Variants in WASF1 observed in about 807,000 individuals in gnomAD.
WASF1 encodes the protein WASP family member 1.
In WASF1, 7 loss-of-function variants were observed where a neutral mutation model predicts 50.5. The ratio of observed to expected loss-of-function variants is 0.14; its 90% CI spans 0.08 to 0.26. The LOEUF is 0.26. Ranked by LOEUF, WASF1 falls within the 10% of genes least tolerant of loss-of-function variation. WASF1 has a pLI of 1.00. For synonymous variants in WASF1, 205 were observed against 244.0 expected (o/e 0.84, Z 1.49); for missense variants, 470 against 694.7 (o/e 0.68, Z 3.64).
Position 110,107,278 on chromosome 6 carries a change from C to T in WASF1, c.423-84G>A, listed in dbSNP as rs893405298. On this transcript the variant is annotated intron_variant, in intron 6 of 10. Transcript: ENST00000392589. ...AAATAATTTCACTAAAATGTTTATC[C>T]TCTTACATTAATAAAATACAGCATG... The T allele has an allele frequency of 6.7e-5, 58 of 866,452 alleles. No homozygotes were observed. The East Asian group carries it at 1.5e-3, about 23-fold the overall frequency. The allele number at this position is 866,452 out of a possible 1,614,324, so 53.7% of individuals were successfully genotyped here.
intron 2 of WASF1, among the ~76,000 whole-genome samples, chr6:110,170,282 G>T (rs536793614): frequency 6.6e-6 from 1 of 152,072 alleles, no homozygotes; most frequent in African/African-American, 2.4e-5. Context: ...GAGTATAGTG[G>T]TGCAATCTTG....
chr6:110,178,892 G>A, intron 1 of WASF1, 150 bp from the exon 2 acceptor site: 1 of 152,562 alleles, frequency 6.6e-6, no homozygotes, highest in Non-Finnish European at 1.5e-5. Flanking sequence ...CCATGAACAG[G>A]CACCAGAAGC....
At chr6:110,131,932 T>C (rs1049151662) in intron 3 of WASF1, among the ~76,000 whole-genome samples, 2 of 152,166 alleles carry the variant, frequency 1.3e-5, no homozygotes, top group African/African-American at 2.4e-5. Context: ...ACATAACACA[T>C]ACACCCACCT....
chr6:110,105,445 A>C lies in WASF1; in HGVS notation c.675T>G (p.Ile225Met). 2.5e-6 allele frequency: 4 copies of C among 1,612,668 alleles called. No individual in the cohort carries two copies. The highest frequency in any genetic ancestry group is 3.4e-6 in the Non-Finnish European group (4 of 1,179,522). Residue 225 changes from isoleucine to methionine, a missense_variant, in exon 8 of 11, where the codon ATT becomes ATG. Transcript: ENST00000392589. ...EDDANLLHKH[I>M]EVANGPASHF... ...GAGAGGCTGGGCCATTAGCAACTTC[A>C]ATATGCTTATGTAAGAGATTAGCAT...
At chr6:110,114,196 T>C (rs551939655) in intron 4 of WASF1, among the ~76,000 whole-genome samples, 1 of 152,338 alleles carries the variant, frequency 6.6e-6, no homozygotes, top group African/African-American at 2.4e-5. Flanking sequence ...TCATGGTTCT[T>C]GTGTATTTTC....
intron 5 of WASF1, among the ~76,000 whole-genome samples, chr6:110,110,819 TG>T (rs756058660): frequency 1.3e-4 from 19 of 151,296 alleles, no homozygotes; most frequent in African/African-American, 3.2e-4. Context: ...GTACACATGA[TG>T]TTTTTTTTTT....
In WASF1 at chr6:110,125,440, CT is replaced by C. The variant is rs549460554; in HGVS notation, c.133+2028del. 1.7e-3 allele frequency among the ~76,000 whole-genome samples: 254 copies of C among 152,278 alleles called. 2 individuals are homozygous for C. Among genetic ancestry groups the C allele is most frequent in the South Asian group, 0.016 (76 of 4,824 alleles). On this transcript the variant is annotated intron_variant, in intron 4 of 10. Coordinates refer to ENST00000392589, the MANE Select transcript of WASF1 (RefSeq NM_003931.3). ...CTAGTATCTCCTCCCATGCTTCCTC[CT>C]TTTATCCTCTGAAGCATAACTGTTT...
At chr6:110,107,792 AT>A (rs1279771475) in intron 6 of WASF1, among the ~76,000 whole-genome samples, 3 of 152,210 alleles carry the variant, frequency 2.0e-5, no homozygotes, top group Non-Finnish European at 4.4e-5. Context: ...TCCAGATTTT[AT>A]TCTAAGTGGT....
At chr6:110,133,299 A>C (rs1352336255) in intron 3 of WASF1, among the ~76,000 whole-genome samples, 6 of 151,792 alleles carry the variant, frequency 4.0e-5, no homozygotes, top group Non-Finnish European at 8.8e-5. Flanking sequence ...TGCTGCTATA[A>C]ACATGCAAGT....
intron 3 of WASF1, among the ~76,000 whole-genome samples, chr6:110,133,992 T>C (rs903040899): frequency 6.6e-6 from 1 of 152,238 alleles, no homozygotes; most frequent in Non-Finnish European, 1.5e-5. Flanking sequence ...TGTCTTGTTT[T>C]TATTTTTTTG....
chr6:110,171,276 A>G (rs1328019163), intron 2 of WASF1, among the ~76,000 whole-genome samples: 1 of 152,184 alleles, frequency 6.6e-6, no homozygotes, highest in Non-Finnish European at 1.5e-5. Flanking sequence ...AATCTCAGAA[A>G]GATAGATGGG....
chr6:110,142,967 A>AAC (rs1430391321), intron 3 of WASF1, among the ~76,000 whole-genome samples: 1 of 150,542 alleles, frequency 6.6e-6, no homozygotes, highest in Non-Finnish European at 1.5e-5. Flanking sequence ...AAAAAAAAAA[A>AAC]AAAAAACTAA....
At chr6:110,168,290 G>A (rs73765672) in intron 2 of WASF1, among the ~76,000 whole-genome samples, 1 of 151,908 alleles carries the variant, frequency 6.6e-6, no homozygotes, top group African/African-American at 2.4e-5. Flanking sequence ...TCTGTACTTA[G>A]TATAGCATTA....
At chr6:110,129,065 C>T (rs1396114644) in intron 3 of WASF1, among the ~76,000 whole-genome samples, 1 of 151,990 alleles carries the variant, frequency 6.6e-6, no homozygotes, top group Non-Finnish European at 1.5e-5. Flanking sequence ...GAGACTGCTG[C>T]TCTAGTCTAC....
rs1475689527 is a variant in WASF1 at position 110,108,808 on chromosome 6, T to C, written c.269-127A>G. On this transcript the variant is annotated intron_variant, in intron 5 of 10. Coordinates refer to ENST00000392589, the MANE Select transcript of WASF1 (RefSeq NM_003931.3). ...AAGAGGTTGTGACCTTAGTGGCTTA[T>C]GAATCAGAAACCATATTTTAAATGT... The C allele has an allele frequency of 1.4e-5, 11 of 778,718 alleles. No homozygotes were observed. The Admixed American group carries it at 1.5e-4, about 10-fold the overall frequency. 48.2% of individuals were successfully genotyped at this position (778,718 alleles called of 1,614,324 possible).
intron 3 of WASF1, among the ~76,000 whole-genome samples, chr6:110,142,944 CAAT>C (rs1245150637): frequency 1.1e-5 from 1 of 89,646 alleles, no homozygotes; most frequent in Non-Finnish European, 2.0e-5. Context: ...TTTGGTTTCC[CAAT>C]GATGTAAAAA....
chr6:110,142,231 G>A (rs1325689129), intron 3 of WASF1, among the ~76,000 whole-genome samples: 1 of 152,106 alleles, frequency 6.6e-6, no homozygotes, highest in Non-Finnish European at 1.5e-5. Flanking sequence ...GAGTTCAAGG[G>A]TATAAAATCA....
At chr6:110,160,540 T>G (rs1776220549) in intron 3 of WASF1, 95 bp downstream of exon 3, 1 of 151,770 alleles carries the variant, frequency 6.6e-6, no homozygotes, top group Non-Finnish European at 1.5e-5. Flanking sequence ...CCACTTTTAT[T>G]AGTATATAAC....
chr6:110,152,779 T>G (rs1376582405), intron 3 of WASF1, among the ~76,000 whole-genome samples: 1 of 152,214 alleles, frequency 6.6e-6, no homozygotes, highest in Non-Finnish European at 1.5e-5. Flanking sequence ...CGTTAAGCAG[T>G]GATAGAAAAC....
Sources: allele counts gnomAD v4.1 joint callset (sites outside exome capture counted in the v4.1 genomes callset), GRCh38; gene constraint gnomAD v4.1.1; transcripts MANE v1.5; gene names NCBI Gene and HGNC (gene_info 2026-07-23, HGNC 2026-07-21).